DYNC2H1: variants seen among roughly 807,000 people sequenced by gnomAD.
DYNC2H1 encodes the protein cytoplasmic dynein 2 heavy chain 1.
Under a neutral mutation model 570.0 loss-of-function variants are expected in DYNC2H1, and 410 were observed. The observed-to-expected ratio is 0.72, with a 90% CI of 0.66 to 0.78. The LOEUF (loss-of-function observed/expected upper bound fraction) is 0.78, where lower values mean the gene tolerates loss of function less well. DYNC2H1 is among the 30% of genes least tolerant of loss of function. The probability of loss-of-function intolerance (pLI) is 0.00; values close to 1 mark genes in which losing one functional copy is unlikely to be tolerated. For synonymous variants in DYNC2H1, 1,688 were observed against 1,677.6 expected, an observed-to-expected ratio of 1.01 and a Z score of -0.15; for missense variants, 4,865 against 5,046.4, an observed-to-expected ratio of 0.96 and a Z score of 1.09.
intron 45 of DYNC2H1, among the ~76,000 whole-genome samples, chr11:103,190,161 AC>A (rs1397927655): frequency 2.6e-5 from 4 of 152,278 alleles, no homozygotes; most frequent in Middle Eastern, 3.4e-3. Context: ...CAGGCTTCAA[AC>A]CTGCAAGCAG....
rs778829457 is a variant in DYNC2H1, at chr11:103,159,018, C to A, written c.4369C>A (p.Leu1457Ile). 6.2e-6 allele frequency: 10 copies of A among 1,610,688 alleles called. No homozygotes were observed. Among genetic ancestry groups the A allele is most frequent in the Non-Finnish European group, 7.6e-6 (9 of 1,178,318 alleles). The change falls in exon 28 of 89, where the codon CTT (leucine) becomes ATT (isoleucine). Residue 1457 changes from leucine to isoleucine, a missense_variant. This residue lies in a region of DYNC2H1 where 1,936 missense variants were observed against 1,962.1 expected (regional missense o/e 0.99). Transcript: ENST00000375735. ...PSVIQSHLKKLFAGINSVCFD... is the reference protein window; with the variant it reads ...PSVIQSHLKKIFAGINSVCFD... ...AGTGATTCAGTCTCACCTGAAGAAG[C>A]TTTTTGCTGGTAGGATTCAACATTT...
intron 28 of DYNC2H1, among the ~76,000 whole-genome samples, chr11:103,160,062 A>T (rs905424287): frequency 6.6e-6 from 1 of 152,126 alleles, no homozygotes; most frequent in Non-Finnish European, 1.5e-5. Context: ...ATTTGTAACT[A>T]TGATTTGGGC....
chr11:103,276,723 ATTTTG>A (rs1865922712), intron 70 of DYNC2H1, among the ~76,000 whole-genome samples: 1 of 152,018 alleles, frequency 6.6e-6, no homozygotes. Context: ...TGCTGTATAT[ATTTTG>A]TTTTGATTAT....
intron 69 of DYNC2H1, among the ~76,000 whole-genome samples, chr11:103,258,486 T>C (rs1279168849): frequency 6.6e-6 from 1 of 152,190 alleles, no homozygotes; most frequent in Non-Finnish European, 1.5e-5. Flanking sequence ...ACTTTGTTTG[T>C]TTCACAACGT....
At chr11:103,248,308 T>C (rs1265217116) in intron 65 of DYNC2H1, among the ~76,000 whole-genome samples, 3 of 152,000 alleles carry the variant, frequency 2.0e-5, no homozygotes, top group Non-Finnish European at 4.4e-5. Context: ...TTTATCTACA[T>C]AATGGAATGG....
chr11:103,177,420 A>G lies in DYNC2H1; in HGVS notation c.5875-136A>G, dbSNP rs1056866480. The G allele has an allele frequency of 2.8e-6, 2 of 725,328 alleles. No individual in the cohort carries two copies. Among genetic ancestry groups the G allele is most frequent in the Non-Finnish European group, 4.3e-6 (2 of 466,398 alleles). 44.9% of individuals were successfully genotyped at this position (725,328 alleles called of 1,614,324 possible). On this transcript the variant is annotated intron_variant, in intron 37 of 88. Coordinates refer to ENST00000375735, the MANE Select transcript of DYNC2H1 (RefSeq NM_001377.3). The surrounding 1 kb of genome is among the most constrained non-coding windows in gnomAD (Gnocchi z 4.4). Reference sequence around the variant, plus strand: ...TTCAGATTTATTTAGGTAGTCTATTACATTTTAGGCAATACCTTCCACTGA... The same window carrying G: ...TTCAGATTTATTTAGGTAGTCTATTGCATTTTAGGCAATACCTTCCACTGA...
intron 24 of DYNC2H1, 90 bp downstream of exon 24, chr11:103,154,899 T>A (rs1860742366): frequency 1.1e-6 from 1 of 931,186 alleles, no homozygotes; most frequent in Non-Finnish European, 1.5e-6. Context: ...TTACTTTATA[T>A]GTTTTTCAAT....
At position 103,209,383 on chromosome 11, in the gene DYNC2H1, G is replaced by A. The variant is rs1227106381; in HGVS notation, c.8455-493G>A. 6.6e-6 allele frequency among the ~76,000 whole-genome samples: 1 copy of A among 151,684 alleles called. No homozygotes were observed. Among genetic ancestry groups the A allele is most frequent in the Non-Finnish European group, 1.5e-5 (1 of 67,874 alleles). ...CTGTATTTGCTTATTTACAGTAGTG[G>A]CAAAATTCCAGTCACAGTGAGAATA... is the stretch of plus-strand genomic sequence containing the variant. On this transcript the variant is annotated intron_variant, in intron 52 of 88. Coordinates refer to ENST00000375735, the MANE Select transcript of DYNC2H1 (RefSeq NM_001377.3). The surrounding 1 kb of genome is among the most constrained non-coding windows in gnomAD (Gnocchi z 4.2).
At chr11:103,253,980 T>G (rs757176956) in intron 66 of DYNC2H1, among the ~76,000 whole-genome samples, 13 of 152,180 alleles carry the variant, frequency 8.5e-5, no homozygotes, top group Non-Finnish European at 1.8e-4. Context: ...TAACTCATTT[T>G]TTCCCCTTTA....
At position 103,181,522 on chromosome 11, in the gene DYNC2H1, A is replaced by T. The variant is rs1225952459; in HGVS notation, c.6348-235A>T. 6.6e-6 allele frequency among the ~76,000 whole-genome samples: 1 copy of T among 151,620 alleles called. No individual in the cohort carries two copies. Among genetic ancestry groups the T allele is most frequent in the Non-Finnish European group, 1.5e-5 (1 of 67,708 alleles). On this transcript the variant is annotated intron_variant, in intron 39 of 88. Transcript: ENST00000375735. This position sits in a 1 kb window ranked among gnomAD's most constrained non-coding sequence, Gnocchi z 5.0. ...ATTTGTTTTATAGAAAATGACATAT[A>T]TATGTATATATACCTATATGCATGT... is the stretch of plus-strand genomic sequence containing the variant.
At chr11:103,450,805 C>A (rs1426610909) in intron 85 of DYNC2H1, among the ~76,000 whole-genome samples, 2 of 152,020 alleles carry the variant, frequency 1.3e-5, no homozygotes, top group Non-Finnish European at 2.9e-5. Context: ...TATAGAATTG[C>A]AATTATATGT....
intron 83 of DYNC2H1, among the ~76,000 whole-genome samples, chr11:103,393,439 T>C (rs192888538): frequency 6.6e-6 from 1 of 152,304 alleles, no homozygotes; most frequent in African/African-American, 2.4e-5. Flanking sequence ...GAAATAAAAA[T>C]TTTTATTAAT....
chr11:103,250,500 C>A (rs754175629), intron 65 of DYNC2H1, among the ~76,000 whole-genome samples: 1 of 152,072 alleles, frequency 6.6e-6, no homozygotes, highest in Non-Finnish European at 1.5e-5. Context: ...TGCGATCCCC[C>A]CTCACTTTTG....
At chr11:103,127,467 G>A (rs986398187) in intron 12 of DYNC2H1, among the ~76,000 whole-genome samples, 2 of 152,074 alleles carry the variant, frequency 1.3e-5, no homozygotes, top group Non-Finnish European at 2.9e-5. Context: ...GCCTATTTTT[G>A]TGGTACAGAA....
chr11:103,256,326 A>T lies in DYNC2H1; in HGVS notation c.10461+86A>T. ...ATAGAAAATGTAGAATCAGGTCCTC[A>T]GGGGAAAGATGATGTGAAAAGAAAA... On this transcript the variant is annotated intron_variant, in intron 68 of 88. Transcript: ENST00000375735. The surrounding 1 kb of genome is among the most constrained non-coding windows in gnomAD (Gnocchi z 4.0). 1 of 1,318,550 alleles carries T rather than the reference A, an allele frequency of 7.6e-7. No homozygotes were observed. The highest frequency in any genetic ancestry group is 1.4e-5 in the South Asian group (1 of 70,494). 81.7% of individuals were successfully genotyped at this position (1,318,550 alleles called of 1,614,324 possible).
chr11:103,462,884 T>C (rs1945066385), intron 87 of DYNC2H1, among the ~76,000 whole-genome samples: 1 of 152,012 alleles, frequency 6.6e-6, no homozygotes, highest in African/African-American at 2.4e-5. Flanking sequence ...GAGGAGGGGG[T>C]AAACCTTAAT....
In DYNC2H1 at chr11:103,275,271, TGTA is replaced by T. The variant is rs1337916769; in HGVS notation, c.10696-5076_10696-5074del. ...CCATACATTCCTTGCCTCCACATAC[TGTA>T]CAGCCTCTTTCACTATCAAAATCCT... is the stretch of plus-strand genomic sequence containing the variant. On this transcript the variant is annotated intron_variant, in intron 70 of 88. Coordinates refer to ENST00000375735, the MANE Select transcript of DYNC2H1 (RefSeq NM_001377.3). The surrounding 1 kb of genome is among the most constrained non-coding windows in gnomAD (Gnocchi z 4.8). 6.6e-6 allele frequency among the ~76,000 whole-genome samples: 1 copy of T among 152,198 alleles called. No individual in the cohort carries two copies. The highest frequency in any genetic ancestry group is 1.5e-5 in the Non-Finnish European group (1 of 68,034).
At chr11:103,173,988 TG>T (rs1861686093) in intron 35 of DYNC2H1, 66 bp from the exon 36 acceptor site, 1 of 1,100,544 alleles carries the variant, frequency 9.1e-7, no homozygotes, top group South Asian at 1.4e-5. Flanking sequence ...TGTATTTCTT[TG>T]GATGTTATGA....
At position 103,257,731 on chromosome 11, in the gene DYNC2H1, C is replaced by T. The variant is rs562139820; in HGVS notation, c.10585C>T (p.Arg3529Ter). Residue 3529 changes from arginine to a stop codon, truncating the protein, a stop_gained, in exon 69 of 89, where the codon CGA becomes TGA. Transcript: ENST00000375735. LOFTEE classifies it high-confidence loss of function. Reference protein sequence around the residue: ...SLAAFLRLFQRALQNKQDSEN... With the variant: ...SLAAFLRLFQ Reference sequence around the variant, plus strand: ...GGCTGCTTTTCTCCGACTTTTCCAACGAGCTCTACAAAACAAACAGGTAAG... The same window carrying T: ...GGCTGCTTTTCTCCGACTTTTCCAATGAGCTCTACAAAACAAACAGGTAAG... The T allele has an allele frequency of 6.9e-6, 11 of 1,598,978 alleles. No homozygotes were observed. Among genetic ancestry groups the T allele is most frequent in the Admixed American group, 1.7e-5 (1 of 58,010 alleles).
Sources: gnomAD v4.1 joint callset for allele counts (sites outside exome capture counted in the v4.1 genomes callset) on GRCh38, gnomAD v4.1.1 for gene constraint, gnomAD v4.1.1 regional missense constraint, Gnocchi (gnomAD v3.1) non-coding constraint, MANE v1.5 for transcripts, NCBI Gene and HGNC (gene_info 2026-07-23, HGNC 2026-07-21) for gene names.